CEP128: variants seen among roughly 807,000 people sequenced by gnomAD.
The protein encoded by CEP128 is centrosomal protein 128.
In CEP128, 132 loss-of-function variants were observed where a neutral mutation model predicts 156.7. That is an observed-to-expected ratio of 0.84 (90% CI 0.73 to 0.97). The LOEUF (loss-of-function observed/expected upper bound fraction) is 0.97, where lower values mean the gene tolerates loss of function less well. Among genes scored for constraint, CEP128 ranks in the 50% least tolerant of loss-of-function variants. CEP128 has a pLI of 0.00. For synonymous variants in CEP128, 469 were observed against 448.9 expected, an observed-to-expected ratio of 1.04 and a Z score of -0.57; for missense variants, 1,252 against 1,281.9, an observed-to-expected ratio of 0.98 and a Z score of 0.36.
At chr14:80,548,754 C>A (rs374172546) in intron 21 of CEP128, among the ~76,000 whole-genome samples, 2 of 152,162 alleles carry the variant, frequency 1.3e-5, no homozygotes, top group Admixed American at 6.5e-5. Flanking sequence ...GCATCAAATA[C>A]GACACTGTCA....
chr14:80,816,127 T>C (rs1259421332), intron 13 of CEP128, among the ~76,000 whole-genome samples: 1 of 152,194 alleles, frequency 6.6e-6, no homozygotes, highest in African/African-American at 2.4e-5. Context: ...AATACTTATT[T>C]AAGACAATCT....
chr14:80,657,269 T>TA (rs1206287596), intron 19 of CEP128, among the ~76,000 whole-genome samples: 6 of 145,670 alleles, frequency 4.1e-5, no homozygotes, highest in African/African-American at 5.1e-5. Context: ...AAAAAAAAAT[T>TA]TAAAAAAAAT....
intron 24 of CEP128, among the ~76,000 whole-genome samples, chr14:80,499,197 T>C (rs1947149581): frequency 2.0e-5 from 3 of 152,230 alleles, no homozygotes; most frequent in Admixed American, 2.0e-4. Context: ...TCTATAAGGC[T>C]GAGGACAGGT....
intron 6 of CEP128, among the ~76,000 whole-genome samples, chr14:80,900,697 A>G (rs1883500373): frequency 6.6e-6 from 1 of 152,222 alleles, no homozygotes; most frequent in Non-Finnish European, 1.5e-5. Context: ...AAACAAAACA[A>G]TCATAGATAC....
chr14:80,862,937 G>C, intron 8 of CEP128, 64 bp from the exon 9 acceptor site: 1 of 1,185,434 alleles, frequency 8.4e-7, no homozygotes, highest in South Asian at 1.2e-5. Context: ...ACTAAATTGA[G>C]AAGATAGTTT....
intron 20 of CEP128, among the ~76,000 whole-genome samples, chr14:80,566,099 T>C (rs535045406): frequency 1.3e-5 from 2 of 152,248 alleles, no homozygotes; most frequent in South Asian, 4.2e-4. Flanking sequence ...AAAACCCACA[T>C]TGAGGACTCC....
At chr14:80,700,500 C>A (rs1416315057) in intron 19 of CEP128, among the ~76,000 whole-genome samples, 2 of 151,886 alleles carry the variant, frequency 1.3e-5, no homozygotes, top group African/African-American at 4.8e-5. Flanking sequence ...AAGAATAATA[C>A]ACATCTATCA....
chr14:80,879,287 T>C (rs1888421330), intron 8 of CEP128, among the ~76,000 whole-genome samples: 1 of 151,896 alleles, frequency 6.6e-6, no homozygotes, highest in African/African-American at 2.4e-5. Context: ...AAAAAAATGA[T>C]AAAGCAAGGA....
Position 80,836,207 on chromosome 14 carries a change from CT to C in CEP128, c.1054del (p.Arg352GlufsTer17). On this transcript the variant is annotated frameshift_variant, in exon 12 of 25. Coordinates refer to ENST00000555265, the MANE Select transcript of CEP128 (RefSeq NM_152446.5). LOFTEE classifies it high-confidence loss of function. ...DEQGEDWRFR[R>X]GVEREKQDLE... is the part of the protein sequence containing the mutation. ...ATTAGGTACAAATCTACTTTTACCT[CT>C]CCTAAATCTCCAGTCCTCCCCTTGT... 1.2e-6 allele frequency: 2 copies of C among 1,613,958 alleles called. No homozygotes were observed. Among genetic ancestry groups the C allele is most frequent in the Non-Finnish European group, 1.7e-6 (2 of 1,179,910 alleles).
At chr14:80,539,930 G>C (rs1313986279) in intron 21 of CEP128, among the ~76,000 whole-genome samples, 1 of 152,112 alleles carries the variant, frequency 6.6e-6, no homozygotes, top group Non-Finnish European at 1.5e-5. Context: ...GTACCCTCAG[G>C]CTTACTAGAG....
chr14:80,737,861 G>C (rs1898615263), intron 19 of CEP128, among the ~76,000 whole-genome samples: 1 of 152,180 alleles, frequency 6.6e-6, no homozygotes, highest in African/African-American at 2.4e-5. Flanking sequence ...CTGCACTCCA[G>C]CCTGGGTGAC....
At chr14:80,532,779 A>C (rs1207858059) in intron 21 of CEP128, among the ~76,000 whole-genome samples, 1 of 152,158 alleles carries the variant, frequency 6.6e-6, no homozygotes, top group East Asian at 1.9e-4. Flanking sequence ...ACATGGAGTT[A>C]CAGATGTCTT....
intron 12 of CEP128, among the ~76,000 whole-genome samples, chr14:80,835,820 A>C (rs1216874064): frequency 6.6e-6 from 1 of 152,178 alleles, no homozygotes; most frequent in African/African-American, 2.4e-5. Flanking sequence ...TTATACTGAA[A>C]ATTGAGATAA....
chr14:80,773,694 A>C (rs1156784171), intron 16 of CEP128, among the ~76,000 whole-genome samples: 1 of 152,218 alleles, frequency 6.6e-6, no homozygotes, highest in African/African-American at 2.4e-5. Flanking sequence ...TCAATTATGC[A>C]CTAACACTTG....
chr14:80,613,756 A>T (rs958546959), intron 19 of CEP128, among the ~76,000 whole-genome samples: 2 of 152,098 alleles, frequency 1.3e-5, no homozygotes, highest in African/African-American at 2.4e-5. Context: ...TCTAATTTTG[A>T]TGAAGACTCA....
At chr14:80,624,517 T>C (rs1595108018) in intron 19 of CEP128, among the ~76,000 whole-genome samples, 2 of 152,184 alleles carry the variant, frequency 1.3e-5, no homozygotes, top group South Asian at 2.1e-4. Flanking sequence ...TTTTCCATAA[T>C]GGAGGTATTA....
intron 7 of CEP128, among the ~76,000 whole-genome samples, chr14:80,897,652 T>C (rs895573114): frequency 6.6e-5 from 10 of 152,184 alleles, no homozygotes; most frequent in Non-Finnish European, 1.2e-4. Context: ...AAATCCTGTC[T>C]CTTTGATTTC....
intron 13 of CEP128, among the ~76,000 whole-genome samples, chr14:80,825,323 G>T (rs1214539016): frequency 6.6e-6 from 1 of 152,192 alleles, no homozygotes; most frequent in Non-Finnish European, 1.5e-5. Context: ...TGCCTAGGCT[G>T]GTCTTGAACT....
chr14:80,623,056 AT>A (rs1489261924), intron 19 of CEP128, among the ~76,000 whole-genome samples: 1 of 152,168 alleles, frequency 6.6e-6, no homozygotes, highest in African/African-American at 2.4e-5. Flanking sequence ...CTTGGAACCA[AT>A]CCAAATGTCC....
Sources: gnomAD v4.1 joint callset for allele counts (sites outside exome capture counted in the v4.1 genomes callset) on GRCh38, gnomAD v4.1.1 for gene constraint, MANE v1.5 for transcripts, NCBI Gene and HGNC (gene_info 2026-07-23, HGNC 2026-07-21) for gene names.